Variants in MMRN1 observed in about 807,000 individuals in gnomAD.
MMRN1 encodes multimerin 1, also known as multimerin-1.
MMRN1 carries 94 observed loss-of-function variants against 100.7 expected under a neutral mutation model. The observed-to-expected ratio is 0.93, with a 90% CI of 0.79 to 1.11. MMRN1 has a LOEUF of 1.11. Ranked by LOEUF, MMRN1 falls within the 50% of genes least tolerant of loss-of-function variation. MMRN1 has a pLI of 0.00. For missense variants in MMRN1, 1,606 were observed against 1,439.1 expected (o/e 1.12, Z -1.88); for synonymous variants, 575 against 505.0 (o/e 1.14, Z -1.86).
At chr4:89,881,369 A>G (rs1375690264) in intron 1 of MMRN1, among the ~76,000 whole-genome samples, 3 of 152,146 alleles carry the variant, frequency 2.0e-5, no homozygotes, top group Non-Finnish European at 4.4e-5. Flanking sequence ...GGACTCCAAC[A>G]GAATGTGGCC....
In MMRN1 at chr4:89,938,476, C is replaced by CATATAT. The variant is rs372673572; in HGVS notation, c.3118+1709_3118+1714dup. ...CAGGCAAGCTATGTCATTTTTTAAA[C>CATATAT]ATATATATATATATATATATATATA... On this transcript the variant is annotated intron_variant, in intron 6 of 7. Transcript: ENST00000264790. 6.2e-3 allele frequency among the ~76,000 whole-genome samples: 767 copies of CATATAT among 123,494 alleles called. 1 individual carries two copies. The highest frequency in any genetic ancestry group is 0.016 in the East Asian group (65 of 4,046). 81.0% of individuals were successfully genotyped at this position (123,494 alleles called of 152,430 possible).
intron 1 of MMRN1, among the ~76,000 whole-genome samples, chr4:89,887,648 A>G (rs561779965): frequency 2.0e-5 from 3 of 152,160 alleles, no homozygotes; most frequent in Admixed American, 6.5e-5. Context: ...GTAATCCTAC[A>G]TTGATTTTTA....
At chr4:89,909,155 T>A (rs942151851) in intron 1 of MMRN1, 121 bp from the exon 2 acceptor site, 5 of 965,288 alleles carry the variant, frequency 5.2e-6, no homozygotes, top group Non-Finnish European at 7.6e-6. Flanking sequence ...TAAATAGCAA[T>A]CTTACAAGGT....
rs1722399110 is a variant in MMRN1 at position 89,930,407 on chromosome 4, T to A, written c.1129+2439T>A. On this transcript the variant is annotated intron_variant, in intron 5 of 7. Coordinates refer to ENST00000264790, the MANE Select transcript of MMRN1 (RefSeq NM_007351.3). ...TTTCTCCCAATTATGTTGATCAAGA[T>A]TTTGTGCTGAGTTTTTGCTTATTGT... Among the ~76,000 whole-genome samples the A allele has an allele frequency of 2.0e-5, 3 of 152,246 alleles. No individual in the cohort carries two copies. In the South Asian group the frequency reaches 6.2e-4, roughly 32 times the overall value.
chr4:89,906,898 C>A (rs553772318), intron 1 of MMRN1, among the ~76,000 whole-genome samples: 2 of 151,302 alleles, frequency 1.3e-5, no homozygotes, highest in Non-Finnish European at 3.0e-5. Flanking sequence ...TTTAGGATTT[C>A]AAAAGGTCTC....
intron 1 of MMRN1, among the ~76,000 whole-genome samples, chr4:89,881,400 A>G (rs1720812127): frequency 6.6e-6 from 1 of 152,100 alleles, no homozygotes; most frequent in Admixed American, 6.6e-5. Flanking sequence ...CATGACATAC[A>G]AAATCTCCAC....
In MMRN1 at chr4:89,927,825, A is replaced by G. The variant is rs559811570; in HGVS notation, c.986A>G (p.Asn329Ser). The part of the protein sequence containing the change: ...EVMQKMTDQV[N>S]YQAMKLTLLQ... ...ATGCAAAAAATGACTGATCAGGTGA[A>G]CTACCAGGCAATGAAACTGACTCTT... The change falls in exon 5 of 8, where the codon AAC (asparagine) becomes AGC (serine). Residue 329 changes from asparagine (N) to serine (S), a missense_variant. Transcript: ENST00000264790. 4 of 1,611,820 alleles carry G rather than the reference A, an allele frequency of 2.5e-6. No individual in the cohort carries two copies. The African/African-American group carries it at 5.3e-5, about 22-fold the overall frequency.
At chr4:89,925,537 T>A (rs1022291814) in intron 4 of MMRN1, among the ~76,000 whole-genome samples, 1 of 150,324 alleles carries the variant, frequency 6.7e-6, no homozygotes, top group Non-Finnish European at 1.5e-5. Flanking sequence ...AATTAAAAAT[T>A]TAAGTGGTTT....
chr4:89,930,817 C>T (rs1211626305), intron 5 of MMRN1, among the ~76,000 whole-genome samples: 1 of 151,904 alleles, frequency 6.6e-6, no homozygotes, highest in Non-Finnish European at 1.5e-5. Flanking sequence ...GAATGTATTT[C>T]ATCAATATTT....
At chr4:89,930,145 T>C (rs1241033424) in intron 5 of MMRN1, among the ~76,000 whole-genome samples, 4 of 152,156 alleles carry the variant, frequency 2.6e-5, no homozygotes, top group Non-Finnish European at 5.9e-5. Flanking sequence ...ACTATTAACA[T>C]AAAGCACTTT....
chr4:89,889,535 G>A (rs1299215802), intron 1 of MMRN1, among the ~76,000 whole-genome samples: 2 of 152,082 alleles, frequency 1.3e-5, no homozygotes, highest in Admixed American at 6.6e-5. Flanking sequence ...AGTCACATCC[G>A]CCTGTGGGAG....
chr4:89,910,226 T>C (rs1181703072), intron 2 of MMRN1, among the ~76,000 whole-genome samples: 1 of 151,370 alleles, frequency 6.6e-6, no homozygotes, highest in Non-Finnish European at 1.5e-5. Context: ...TCTTAGGGAT[T>C]TGGGAGAGCT....
intron 1 of MMRN1, among the ~76,000 whole-genome samples, chr4:89,901,526 G>C (rs989335277): frequency 6.6e-6 from 1 of 151,938 alleles, no homozygotes; most frequent in Non-Finnish European, 1.5e-5. Context: ...TGAATTATCT[G>C]ATCAGCTAAA....
chr4:89,927,757 T>C (rs1252317433), intron 4 of MMRN1, 38 bp from the exon 5 acceptor site: 1 of 1,576,334 alleles, frequency 6.3e-7, no homozygotes, highest in Non-Finnish European at 8.6e-7. Context: ...GGTCAAAATA[T>C]ATTTTTTAAT....
chr4:89,951,780 T>C (rs773754012), intron 7 of MMRN1, 29 bp downstream of exon 7: 1 of 1,604,952 alleles, frequency 6.2e-7, no homozygotes, highest in African/African-American at 1.3e-5. Context: ...CATCTTTGGA[T>C]TTGCTCATTG....
At chr4:89,909,810 A>G (rs1477639931) in intron 2 of MMRN1, among the ~76,000 whole-genome samples, 1 of 151,450 alleles carries the variant, frequency 6.6e-6, no homozygotes, top group African/African-American at 2.4e-5. Context: ...CTTGGTTCAT[A>G]TTCTAAAATT....
chr4:89,908,256 A>G (rs1721633083), intron 1 of MMRN1, among the ~76,000 whole-genome samples: 2 of 151,422 alleles, frequency 1.3e-5, no homozygotes, highest in African/African-American at 4.8e-5. Flanking sequence ...CTACTGCCCA[A>G]CATCTGAAAA....
chr4:89,932,190 A>G lies in MMRN1; in HGVS notation c.1130-2620A>G, dbSNP rs960990227. 5.3e-5 allele frequency among the ~76,000 whole-genome samples: 8 copies of G among 152,262 alleles called. No individual in the cohort carries two copies. The East Asian group carries it at 1.5e-3, about 29-fold the overall frequency. On this transcript the variant is annotated intron_variant, in intron 5 of 7. Transcript: ENST00000264790. ...AAGTCCGAAATCCAGTGGAGCAGTC[A>G]AATATTAAAGCTCCGAAGTGATCTC... is the stretch of plus-strand genomic sequence containing the variant.
At chr4:89,910,222 G>A (rs1296601951) in intron 2 of MMRN1, among the ~76,000 whole-genome samples, 1 of 151,286 alleles carries the variant, frequency 6.6e-6, no homozygotes, top group African/African-American at 2.4e-5. Flanking sequence ...CACATCTTAG[G>A]GATTTGGGAG....
Sources: gnomAD v4.1 joint callset for allele counts (sites outside exome capture counted in the v4.1 genomes callset) on GRCh38, gnomAD v4.1.1 for gene constraint, MANE v1.5 for transcripts, NCBI Gene and HGNC (gene_info 2026-07-23, HGNC 2026-07-21) for gene names.